KAZN: variants seen among roughly 807,000 people sequenced by gnomAD.
KAZN encodes the protein kazrin, periplakin interacting protein.
Under a neutral mutation model 87.4 loss-of-function variants are expected in KAZN, and 40 were observed. The observed-to-expected ratio is 0.46, with a 90% CI of 0.36 to 0.60. The LOEUF (loss-of-function observed/expected upper bound fraction) is 0.60. Among genes scored for constraint, KAZN ranks in the 20% least tolerant of loss-of-function variants. The pLI, the probability that KAZN is intolerant of heterozygous loss-of-function variation, is 0.00. For missense variants in KAZN, 898 were observed against 1,073.9 expected, an observed-to-expected ratio of 0.84 and a Z score of 2.29; for synonymous variants, 466 against 458.3, an observed-to-expected ratio of 1.02 and a Z score of -0.22.
At chr1:15,054,137 A>G (rs1395026556) in intron 4 of KAZN, among the ~76,000 whole-genome samples, 3 of 152,178 alleles carry the variant, frequency 2.0e-5, no homozygotes, top group Non-Finnish European at 4.4e-5. Flanking sequence ...TCTGCCAGGA[A>G]GAACTCCAGG....
intron 2 of KAZN, among the ~76,000 whole-genome samples, chr1:14,486,629 G>A (rs1206387506): frequency 1.3e-5 from 2 of 152,194 alleles, no homozygotes; most frequent in African/African-American, 4.8e-5. Flanking sequence ...AAAAGATAAT[G>A]CGTAGTGAAG....
chr1:13,982,463 T>C (rs1277321134), intron 1 of KAZN, among the ~76,000 whole-genome samples: 2 of 152,188 alleles, frequency 1.3e-5, no homozygotes, highest in Non-Finnish European at 2.9e-5. Context: ...ATAAAAGCAG[T>C]GTGGACCCAA....
intron 2 of KAZN, among the ~76,000 whole-genome samples, chr1:14,413,960 T>G (rs3928342): frequency 0.42 from 63,401 of 152,026 alleles, 13,749 homozygotes; most frequent in South Asian, 0.61. Context: ...TCATTAGTAA[T>G]CAGGGAAGTG....
At chr1:14,420,446 A>C (rs1665315611) in intron 2 of KAZN, among the ~76,000 whole-genome samples, 1 of 152,166 alleles carries the variant, frequency 6.6e-6, no homozygotes, top group Non-Finnish European at 1.5e-5. Flanking sequence ...CCCCCACCGG[A>C]GCCACGGGGG....
intron 1 of KAZN, among the ~76,000 whole-genome samples, chr1:14,162,547 C>CTTTT (rs113937893): frequency 2.9e-5 from 4 of 138,810 alleles, no homozygotes; most frequent in Non-Finnish European, 3.1e-5. Flanking sequence ...TTTCTTTTTT[C>CTTTT]TTTTTTTTTT....
In KAZN at chr1:14,003,162, A is replaced by G. The variant is rs540234698; in HGVS notation, c.91+109406A>G. Among the ~76,000 whole-genome samples, 383 of 152,012 alleles carry G rather than the reference A, an allele frequency of 2.5e-3. 4 individuals are homozygous for G. The highest frequency in any genetic ancestry group is 9.0e-3 in the African/African-American group (372 of 41,462). On this transcript the variant is annotated intron_variant, in intron 1 of 16. Transcript: ENST00000636203. ...AGTGGGAGTTGAACAATGAGAACAC[A>G]TGGACACAGGGTGGGGAACATCACA...
chr1:14,545,650 G>A (rs1187627968), intron 2 of KAZN, among the ~76,000 whole-genome samples: 1 of 152,094 alleles, frequency 6.6e-6, no homozygotes, highest in Non-Finnish European at 1.5e-5. Flanking sequence ...TAACAAAAGA[G>A]CCGAGATCTC....
At chr1:14,182,055 A>G (rs1646210193) in intron 2 of KAZN, among the ~76,000 whole-genome samples, 1 of 152,158 alleles carries the variant, frequency 6.6e-6, no homozygotes, top group Non-Finnish European at 1.5e-5. Context: ...TGCCTAATTC[A>G]TTAGAGAGCC....
intron 2 of KAZN, among the ~76,000 whole-genome samples, chr1:15,000,885 C>T (rs1404921100): frequency 2.6e-5 from 4 of 151,870 alleles, no homozygotes; most frequent in African/African-American, 9.7e-5. Flanking sequence ...GGGAGAATCA[C>T]TTGAGCCCAA....
At chr1:13,956,268 G>T (rs1289481623) in intron 1 of KAZN, among the ~76,000 whole-genome samples, 3 of 150,808 alleles carry the variant, frequency 2.0e-5, no homozygotes, top group African/African-American at 7.3e-5. Context: ...AATTTTTAGG[G>T]ATGTCTGTAG....
intron 1 of KAZN, among the ~76,000 whole-genome samples, chr1:14,744,962 C>T (rs1232452807): frequency 6.6e-6 from 1 of 152,142 alleles, no homozygotes; most frequent in African/African-American, 2.4e-5. Flanking sequence ...CTGCAGCTGA[C>T]CCAGAACCGC....
intron 2 of KAZN, among the ~76,000 whole-genome samples, chr1:14,518,828 A>C (rs1157408262): frequency 6.6e-6 from 1 of 152,268 alleles, no homozygotes; most frequent in Non-Finnish European, 1.5e-5. Context: ...AGTGCCAAGC[A>C]CGTAGGTGCT....
intron 2 of KAZN, among the ~76,000 whole-genome samples, chr1:14,309,452 G>A (rs746596279): frequency 4.6e-5 from 7 of 152,216 alleles, no homozygotes; most frequent in Non-Finnish European, 8.8e-5. Context: ...TGGAATGGGA[G>A]GAGGTCACAG....
At chr1:14,020,876 T>C (rs1293776496) in intron 1 of KAZN, among the ~76,000 whole-genome samples, 1 of 152,204 alleles carries the variant, frequency 6.6e-6, no homozygotes, top group Non-Finnish European at 1.5e-5. Flanking sequence ...CCAGCATTTG[T>C]CACCGTTCCT....
At chr1:14,737,656 G>A (rs1355114828) in intron 1 of KAZN, among the ~76,000 whole-genome samples, 1 of 152,216 alleles carries the variant, frequency 6.6e-6, no homozygotes, top group Non-Finnish European at 1.5e-5. Flanking sequence ...CAGAAATCAG[G>A]TGCTGGCTGA....
At chr1:14,248,555 G>A (rs1255899975) in intron 2 of KAZN, among the ~76,000 whole-genome samples, 1 of 152,334 alleles carries the variant, frequency 6.6e-6, no homozygotes, top group East Asian at 1.9e-4. Context: ...TCTCATGGAG[G>A]TGGAACTGCT....
chr1:15,069,198 T>A (rs1639397616), intron 8 of KAZN, among the ~76,000 whole-genome samples: 1 of 151,992 alleles, frequency 6.6e-6, no homozygotes, highest in Non-Finnish European at 1.5e-5. Flanking sequence ...CATGCAGACA[T>A]CACCAATCAA....
chr1:14,927,280 A>G (rs1318758560), intron 1 of KAZN, among the ~76,000 whole-genome samples: 2 of 152,276 alleles, frequency 1.3e-5, no homozygotes, highest in Non-Finnish European at 2.9e-5. Flanking sequence ...TCATTCGGTC[A>G]CATTTCTTGA....
intron 1 of KAZN, among the ~76,000 whole-genome samples, chr1:14,104,030 G>A (rs1195703495): frequency 6.6e-6 from 1 of 152,208 alleles, no homozygotes; most frequent in Non-Finnish European, 1.5e-5. Context: ...TGTGGAGGGT[G>A]TTGGGGGTTA....
Sources: gnomAD v4.1 joint callset for allele counts (sites outside exome capture counted in the v4.1 genomes callset) on GRCh38, gnomAD v4.1.1 for gene constraint, MANE v1.5 for transcripts, NCBI Gene and HGNC (gene_info 2026-07-23, HGNC 2026-07-21) for gene names.